Variants in PRR16 observed in about 807,000 individuals in gnomAD.
The protein encoded by PRR16 is proline rich 16.
Under a neutral mutation model 18.2 loss-of-function variants are expected in PRR16, and 6 were observed. The observed-to-expected ratio is 0.33, with a 90% confidence interval of 0.18 to 0.65. The LOEUF is 0.65. Ranked by LOEUF, PRR16 falls within the 30% of genes least tolerant of loss-of-function variation. The probability of loss-of-function intolerance (pLI) is 0.74; values close to 1 mark genes in which losing one functional copy is unlikely to be tolerated. For synonymous variants in PRR16, 151 were observed against 147.8 expected (o/e 1.02, Z -0.16); for missense variants, 412 against 376.6 (o/e 1.09, Z -0.78).
At chr5:120,536,376 T>C (rs1431752577) in intron 1 of PRR16, among the ~76,000 whole-genome samples, 1 of 152,330 alleles carries the variant, frequency 6.6e-6, no homozygotes, top group Middle Eastern at 3.4e-3. Context: ...AGTCACCTCT[T>C]TTTTAGTGCT....
chr5:120,609,884 G>C (rs1754279870), intron 1 of PRR16, among the ~76,000 whole-genome samples: 1 of 152,096 alleles, frequency 6.6e-6, no homozygotes, highest in African/African-American at 2.4e-5. Flanking sequence ...ATTACTTTTT[G>C]CACCGCACTT....
chr5:120,474,307 T>C (rs1749367256), intron 1 of PRR16, among the ~76,000 whole-genome samples: 1 of 152,148 alleles, frequency 6.6e-6, no homozygotes, highest in African/African-American at 2.4e-5. Flanking sequence ...GATTGTCCTG[T>C]GCATTGTAGG....
intron 1 of PRR16, among the ~76,000 whole-genome samples, chr5:120,582,461 T>A (rs1753304216): frequency 6.6e-6 from 1 of 151,882 alleles, no homozygotes; most frequent in South Asian, 2.1e-4. Context: ...TAAAATAAAT[T>A]AAAATTTATA....
chr5:120,498,897 A>C (rs943664365), intron 1 of PRR16, among the ~76,000 whole-genome samples: 1 of 151,932 alleles, frequency 6.6e-6, no homozygotes, highest in South Asian at 2.1e-4. Context: ...TGTCTTTTAA[A>C]TTATATTTTT....
intron 1 of PRR16, among the ~76,000 whole-genome samples, chr5:120,536,119 G>A (rs376028999): frequency 5.3e-5 from 8 of 152,310 alleles, no homozygotes; most frequent in East Asian, 1.9e-4. Context: ...TAGTGCTGGT[G>A]TTTAGTTACA....
At chr5:120,490,796 G>C (rs1750005430) in intron 1 of PRR16, among the ~76,000 whole-genome samples, 1 of 152,134 alleles carries the variant, frequency 6.6e-6, no homozygotes, top group East Asian at 1.9e-4. Flanking sequence ...ACCTACCTTT[G>C]GTCTTAGATG....
At chr5:120,582,538 A>T (rs1753307533) in intron 1 of PRR16, among the ~76,000 whole-genome samples, 1 of 152,082 alleles carries the variant, frequency 6.6e-6, no homozygotes, top group Non-Finnish European at 1.5e-5. Context: ...AAAACAAATA[A>T]CAAAAGCAAT....
chr5:120,651,037 G>A (rs77740849), intron 1 of PRR16, among the ~76,000 whole-genome samples: 9,181 of 152,226 alleles, frequency 0.06, 324 homozygotes, highest in South Asian at 0.083. Flanking sequence ...TTGTGAGATG[G>A]TATCTCATTG....
intron 1 of PRR16, among the ~76,000 whole-genome samples, chr5:120,665,036 A>T (rs1031373762): frequency 5.3e-5 from 8 of 149,874 alleles, no homozygotes; most frequent in African/African-American, 2.0e-4. Flanking sequence ...CGCCACACTG[A>T]CTTCCACAAT....
At chr5:120,529,808 T>C (rs1751485768) in intron 1 of PRR16, among the ~76,000 whole-genome samples, 1 of 152,122 alleles carries the variant, frequency 6.6e-6, no homozygotes, top group Non-Finnish European at 1.5e-5. Flanking sequence ...AGAATAATTG[T>C]CAAAGGATCT....
At chr5:120,575,723 C>G (rs559872166) in intron 1 of PRR16, among the ~76,000 whole-genome samples, 5 of 152,280 alleles carry the variant, frequency 3.3e-5, no homozygotes, top group East Asian at 1.9e-4. Context: ...AAAGCTTTCT[C>G]TCTAAGATTG....
intron 1 of PRR16, among the ~76,000 whole-genome samples, chr5:120,499,254 C>T (rs1411010131): frequency 6.6e-6 from 1 of 151,984 alleles, no homozygotes; most frequent in Non-Finnish European, 1.5e-5. Context: ...GGATTACAGG[C>T]AGGCACCACC....
At chr5:120,643,417 C>T (rs534568143) in intron 1 of PRR16, among the ~76,000 whole-genome samples, 1 of 152,152 alleles carries the variant, frequency 6.6e-6, no homozygotes, top group Admixed American at 6.5e-5. Flanking sequence ...AGCTTACATT[C>T]CAGTAACTGG....
At chr5:120,574,471 G>T (rs1753010729) in intron 1 of PRR16, among the ~76,000 whole-genome samples, 1 of 151,958 alleles carries the variant, frequency 6.6e-6, no homozygotes, top group African/African-American at 2.4e-5. Flanking sequence ...AGGCATGGTG[G>T]CATGCACCTG....
the PRR16 span, among the ~76,000 whole-genome samples, chr5:120,756,122 A>G: frequency 6.6e-6 from 1 of 152,064 alleles, no homozygotes; most frequent in African/African-American, 2.4e-5. Flanking sequence ...GAGGGAACCA[A>G]TCAGAGAATG....
At chr5:120,697,469 C>T in the PRR16 span, among the ~76,000 whole-genome samples, 5 of 152,354 alleles carry the variant, frequency 3.3e-5, no homozygotes, top group East Asian at 9.6e-4. Context: ...GGAATAAACA[C>T]ACAAAGTTAC....
chr5:120,569,145 T>C (rs1006234601), intron 1 of PRR16, among the ~76,000 whole-genome samples: 2 of 152,188 alleles, frequency 1.3e-5, no homozygotes, highest in African/African-American at 4.8e-5. Flanking sequence ...AAACATTTTG[T>C]CAGATGTGCC....
the PRR16 span, among the ~76,000 whole-genome samples, chr5:120,708,081 T>G: frequency 5.9e-5 from 9 of 152,366 alleles, no homozygotes; most frequent in Non-Finnish European, 1.3e-4. Flanking sequence ...TTTGTCTTGA[T>G]TTTTAATGTA....
chr5:120,542,867 C>A lies in PRR16; in HGVS notation c.159+78222C>A, dbSNP rs150591087. ...AGATAGTGTTTATATTATTAGCAGTCATTCTTTAAAGAATCAAGAATAGAA... is the reference window on the plus strand; with the variant it reads ...AGATAGTGTTTATATTATTAGCAGTAATTCTTTAAAGAATCAAGAATAGAA... On this transcript the variant is annotated intron_variant, in intron 1 of 1. Transcript: ENST00000407149. Among the ~76,000 whole-genome samples the A allele has an allele frequency of 3.7e-4, 57 of 152,186 alleles. 1 individual carries two copies. In the East Asian group the frequency reaches 0.011, roughly 28 times the overall value.
Sources: allele counts gnomAD v4.1 joint callset (sites outside exome capture counted in the v4.1 genomes callset), GRCh38; gene constraint gnomAD v4.1.1; transcripts MANE v1.5; gene names NCBI Gene and HGNC (gene_info 2026-07-23, HGNC 2026-07-21).